PCED1B: variants seen among roughly 807,000 people sequenced by gnomAD.
PCED1B encodes the protein PC-esterase domain containing 1B, also known as PC-esterase domain-containing protein 1B.
For synonymous variants in PCED1B, 251 were observed against 246.1 expected, an observed-to-expected ratio of 1.02 and a Z score of -0.19; for missense variants, 573 against 573.9, an observed-to-expected ratio of 1.00 and a Z score of 0.02.
intron 2 of PCED1B, among the ~76,000 whole-genome samples, chr12:47,187,169 A>G (rs868702004): frequency 3.9e-5 from 6 of 152,196 alleles, no homozygotes; most frequent in Admixed American, 1.3e-4. Context: ...ACAGATCTTT[A>G]CCTTCTCCAG....
chr12:47,135,340 C>T (rs149355663), intron 2 of PCED1B, among the ~76,000 whole-genome samples: 73 of 152,112 alleles, frequency 4.8e-4, no homozygotes, highest in African/African-American at 1.8e-3. Context: ...AACACATGCA[C>T]TTTATTGAAT....
intron 2 of PCED1B, among the ~76,000 whole-genome samples, chr12:47,165,354 TG>T (rs1941511991): frequency 6.6e-6 from 1 of 152,316 alleles, no homozygotes; most frequent in African/African-American, 2.4e-5. Context: ...GAATGAATGA[TG>T]GGCAGTTTTA....
chr12:47,174,012 G>C (rs1349560315), intron 2 of PCED1B, among the ~76,000 whole-genome samples: 1 of 152,156 alleles, frequency 6.6e-6, no homozygotes, highest in Non-Finnish European at 1.5e-5. Context: ...AGGCATGGTG[G>C]CTCACACCTG....
chr12:47,181,214 G>A (rs570039787), intron 2 of PCED1B, among the ~76,000 whole-genome samples: 1 of 151,412 alleles, frequency 6.6e-6, no homozygotes, highest in Admixed American at 6.6e-5. Flanking sequence ...TGAACTCCTG[G>A]CCTCAAGCAA....
chr12:47,118,378 G>A (rs1363667579), intron 2 of PCED1B, among the ~76,000 whole-genome samples: 1 of 152,172 alleles, frequency 6.6e-6, no homozygotes, highest in Non-Finnish European at 1.5e-5. Context: ...TAAGATGTAA[G>A]GAAGGGATCT....
At chr12:47,160,293 C>CTTTTTTTTTTTTTTTT (rs59856338) in intron 2 of PCED1B, among the ~76,000 whole-genome samples, 19 of 69,218 alleles carry the variant, frequency 2.7e-4, no homozygotes, top group African/African-American at 7.5e-4. Flanking sequence ...TTTTCTTTTT[C>CTTTTTTTTTTTTTTTT]TTTTTTTTTT....
intron 2 of PCED1B, among the ~76,000 whole-genome samples, chr12:47,188,458 T>G (rs557972368): frequency 6.6e-6 from 1 of 152,324 alleles, no homozygotes; most frequent in African/African-American, 2.4e-5. Context: ...TCTATCTCAA[T>G]GAAATTATAT....
intron 2 of PCED1B, among the ~76,000 whole-genome samples, chr12:47,193,097 C>A (rs376617079): frequency 6.6e-6 from 1 of 152,124 alleles, no homozygotes; most frequent in Admixed American, 6.5e-5. Context: ...TAGCTGACTG[C>A]AAAAAATGAA....
At chr12:47,155,009 G>A (rs1196823926) in intron 2 of PCED1B, among the ~76,000 whole-genome samples, 2 of 152,136 alleles carry the variant, frequency 1.3e-5, no homozygotes, top group African/African-American at 4.8e-5. Flanking sequence ...GATGCAGAAC[G>A]AGGGCACCAG....
chr12:47,156,407 G>A (rs935486451), intron 2 of PCED1B, among the ~76,000 whole-genome samples: 6 of 152,098 alleles, frequency 3.9e-5, no homozygotes, highest in African/African-American at 1.4e-4. Flanking sequence ...TTTTCATTTT[G>A]CACGATACTA....
At chr12:47,211,236 A>G (rs1943068203) in intron 2 of PCED1B, among the ~76,000 whole-genome samples, 1 of 152,202 alleles carries the variant, frequency 6.6e-6, no homozygotes, top group Non-Finnish European at 1.5e-5. Flanking sequence ...TCAACCTCAT[A>G]TCTCAGGTGC....
intron 2 of PCED1B, among the ~76,000 whole-genome samples, chr12:47,117,240 C>T (rs1939461751): frequency 6.6e-6 from 1 of 152,134 alleles, no homozygotes; most frequent in Non-Finnish European, 1.5e-5. Flanking sequence ...GGTACATGTG[C>T]ACAATGTGCA....
At chr12:47,186,801 C>T (rs887200911) in intron 2 of PCED1B, among the ~76,000 whole-genome samples, 4 of 152,162 alleles carry the variant, frequency 2.6e-5, no homozygotes, top group African/African-American at 4.8e-5. Flanking sequence ...TGTGATACTT[C>T]GTGATGGCAG....
At chr12:47,091,912 C>T (rs1592131732) in intron 1 of PCED1B, among the ~76,000 whole-genome samples, 2 of 152,200 alleles carry the variant, frequency 1.3e-5, no homozygotes, top group South Asian at 4.1e-4. Flanking sequence ...TCTGTTCTTG[C>T]ACTAGTACCA....
At chr12:47,190,678 C>T (rs114352689) in intron 2 of PCED1B, among the ~76,000 whole-genome samples, 28 of 152,352 alleles carry the variant, frequency 1.8e-4, no homozygotes, top group African/African-American at 6.7e-4. Flanking sequence ...GCACTCTGTG[C>T]TCTCTGCATG....
At chr12:47,209,036 T>C (rs1942997866) in intron 2 of PCED1B, 1 of 152,186 alleles carries the variant, frequency 6.6e-6, no homozygotes, top group African/African-American at 2.4e-5. Flanking sequence ...CCCTTCTCTA[T>C]GTGGCACTGT....
intron 1 of PCED1B, among the ~76,000 whole-genome samples, chr12:47,089,499 T>C (rs1352033309): frequency 3.0e-5 from 4 of 133,288 alleles, no homozygotes; most frequent in East Asian, 4.3e-4. Context: ...TATATGTATA[T>C]ACCAAAAAAC....
At chr12:47,123,249 A>C (rs76529942) in intron 2 of PCED1B, among the ~76,000 whole-genome samples, 1 of 152,264 alleles carries the variant, frequency 6.6e-6, no homozygotes, top group East Asian at 1.9e-4. Flanking sequence ...TTTGTTAGGT[A>C]AAAAAGTGCT....
intron 3 of PCED1B, among the ~76,000 whole-genome samples, chr12:47,230,333 C>T (rs1264937160): frequency 6.6e-6 from 1 of 152,202 alleles, no homozygotes. Flanking sequence ...ATCCTCCTGC[C>T]TTGGCCTCCC....
Sources: allele counts gnomAD v4.1 joint callset (sites outside exome capture counted in the v4.1 genomes callset), GRCh38; gene constraint gnomAD v4.1.1; transcripts MANE v1.5; gene names NCBI Gene and HGNC (gene_info 2026-07-23, HGNC 2026-07-21).